DNM3: variants seen among roughly 807,000 people sequenced by gnomAD.
DNM3 encodes the protein dynamin 3.
In DNM3, 47 loss-of-function variants were observed where a neutral mutation model predicts 101.6. The observed-to-expected ratio is 0.46, with a 90% confidence interval of 0.37 to 0.59. The LOEUF (loss-of-function observed/expected upper bound fraction) is 0.59. Among genes scored for constraint, DNM3 ranks in the 20% least tolerant of loss-of-function variants. DNM3 has a pLI of 0.00. For missense variants in DNM3, 849 were observed against 1,085.7 expected (o/e 0.78, Z 3.06); for synonymous variants, 385 against 387.9 (o/e 0.99, Z 0.09).
In DNM3 at chr1:172,412,535, C is replaced by T. The variant is rs2071270102; in HGVS notation, c.*4694C>T. 1.0e-5 allele frequency: 10 copies of T among 985,306 alleles called. No individual in the cohort carries two copies. The highest frequency in any genetic ancestry group is 1.2e-4 in the Admixed American group (2 of 16,244). The allele number at this position is 985,306 out of a possible 1,614,324, so 61.0% of individuals were successfully genotyped here. ...TGCTGATTCTTTAATTAATATGAGC[C>T]GGATACTTTCCACTGTCTTCTTGGC... On this transcript the variant is annotated 3_prime_UTR_variant, in exon 21 of 21. Transcript: ENST00000627582.
chr1:172,084,959 A>G (rs1451893501), intron 12 of DNM3, among the ~76,000 whole-genome samples: 1 of 152,174 alleles, frequency 6.6e-6, no homozygotes, highest in Non-Finnish European at 1.5e-5. Context: ...TCAGAGTAGC[A>G]TTCAGGACAT....
intron 14 of DNM3, chr1:172,138,001 T>C (rs1471562177): frequency 6.6e-6 from 1 of 152,142 alleles, no homozygotes; most frequent in East Asian, 1.9e-4. Flanking sequence ...TGAAAGTTTA[T>C]AGTGATGGAA....
intron 14 of DNM3, among the ~76,000 whole-genome samples, chr1:172,155,698 G>A (rs2058311074): frequency 6.6e-6 from 1 of 152,070 alleles, no homozygotes; most frequent in Non-Finnish European, 1.5e-5. Flanking sequence ...CGCCTGTGAT[G>A]TTAGACTCTG....
chr1:172,079,135 TCTGTATTTC>T (rs1314948325), intron 11 of DNM3, among the ~76,000 whole-genome samples: 1 of 152,220 alleles, frequency 6.6e-6, no homozygotes, highest in Non-Finnish European at 1.5e-5. Flanking sequence ...TGTGGTGTTT[TCTGTATTTC>T]CTGAATTTGA....
Position 172,063,775 on chromosome 1 carries a change from CAAA to C in DNM3, c.1336-5026_1336-5024del, listed in dbSNP as rs11317272. 9.5e-3 allele frequency among the ~76,000 whole-genome samples: 830 copies of C among 87,724 alleles called. 8 individuals are homozygous for C. The highest frequency in any genetic ancestry group is 0.031 in the African/African-American group (768 of 24,634). 57.6% of individuals were successfully genotyped at this position (87,724 alleles called of 152,430 possible). A position where few individuals can be genotyped will look rare whatever the true frequency, so the allele number is the denominator to read the frequency against. On this transcript the variant is annotated intron_variant, in intron 10 of 20. Coordinates refer to ENST00000627582, the MANE Select transcript of DNM3 (RefSeq NM_015569.5). ...CCTGGGCAACAGAGCGAGACTTTGT[CAAA>C]AAAAAAAAAAAAAAAAAGAATATTC...
At chr1:172,331,466 A>C (rs2066180413) in intron 17 of DNM3, among the ~76,000 whole-genome samples, 1 of 152,202 alleles carries the variant, frequency 6.6e-6, no homozygotes, top group African/African-American at 2.4e-5. Context: ...CATGATGACA[A>C]TTGAAATACC....
intron 10 of DNM3, among the ~76,000 whole-genome samples, chr1:172,055,378 C>G (rs189688176): frequency 1.3e-5 from 2 of 152,190 alleles, no homozygotes; most frequent in Admixed American, 6.5e-5. Context: ...GAGTCTTTCT[C>G]CGACTTTTCT....
intron 2 of DNM3, among the ~76,000 whole-genome samples, chr1:171,930,103 G>A (rs1271524125): frequency 1.3e-5 from 2 of 152,014 alleles, no homozygotes; most frequent in Non-Finnish European, 2.9e-5. Context: ...GCTTAGAAAA[G>A]CAACCTGGCC....
rs150629302 is a variant in DNM3, at chr1:172,285,730, C to T, written c.1770-22998C>T. Reference sequence around the variant, plus strand: ...AATAATTTAGAAATAATTTGAAAGCCGAGTTTTGTGGGGAACCATTACATA... The same window carrying T: ...AATAATTTAGAAATAATTTGAAAGCTGAGTTTTGTGGGGAACCATTACATA... On this transcript the variant is annotated intron_variant, in intron 15 of 20. Transcript: ENST00000627582. Among the ~76,000 whole-genome samples, 63 of 152,110 alleles carry T rather than the reference C, an allele frequency of 4.1e-4. No homozygotes were observed. The East Asian group carries it at 9.1e-3, about 22-fold the overall frequency.
At chr1:171,916,598 A>C (rs2039729479) in intron 1 of DNM3, among the ~76,000 whole-genome samples, 1 of 152,142 alleles carries the variant, frequency 6.6e-6, no homozygotes, top group Non-Finnish European at 1.5e-5. Context: ...CTTGGACTTG[A>C]CATTTATTGT....
intron 17 of DNM3, among the ~76,000 whole-genome samples, chr1:172,371,270 A>T (rs2068308189): frequency 6.6e-6 from 1 of 152,006 alleles, no homozygotes; most frequent in South Asian, 2.1e-4. Flanking sequence ...TCATATTCAG[A>T]TAGGTAGCAA....
At chr1:172,223,402 T>A (rs2060986460) in intron 14 of DNM3, among the ~76,000 whole-genome samples, 1 of 151,748 alleles carries the variant, frequency 6.6e-6, no homozygotes, top group African/African-American at 2.4e-5. Flanking sequence ...ATAAAAAAAA[T>A]CCCATATATC....
chr1:172,173,974 C>T (rs1389278766), intron 14 of DNM3, among the ~76,000 whole-genome samples: 2 of 151,554 alleles, frequency 1.3e-5, no homozygotes, highest in African/African-American at 4.8e-5. Context: ...AAATCCATAA[C>T]TCTGGAATGC....
intron 14 of DNM3, among the ~76,000 whole-genome samples, chr1:172,160,147 C>CGAGT (rs939259732): frequency 6.6e-6 from 1 of 151,478 alleles, no homozygotes; most frequent in Non-Finnish European, 1.5e-5. Flanking sequence ...GGTGAGTTAG[C>CGAGT]GAGTGAGTGG....
intron 1 of DNM3, among the ~76,000 whole-genome samples, chr1:171,853,249 GATATCC>G (rs2033187830): frequency 6.6e-6 from 1 of 151,948 alleles, no homozygotes; most frequent in African/African-American, 2.4e-5. Flanking sequence ...CTGCAGCCTT[GATATCC>G]CTGGCTGATG....
chr1:172,226,492 A>C (rs1206242258), intron 14 of DNM3, among the ~76,000 whole-genome samples: 1 of 152,196 alleles, frequency 6.6e-6, no homozygotes, highest in Non-Finnish European at 1.5e-5. Flanking sequence ...TTTCATGCAC[A>C]GATGAAAGGA....
rs1454745272 is a variant in DNM3, at chr1:171,841,674, G to A, written c.18G>A (p.Met6Ile). The A allele has an allele frequency of 6.2e-7, 1 of 1,611,412 alleles. No individual in the cohort carries two copies. Among genetic ancestry groups the A allele is most frequent in the African/African-American group, 1.3e-5 (1 of 74,894 alleles). The change falls in exon 1 of 21, where the codon ATG (methionine) becomes ATA (isoleucine). Residue 6 changes from methionine (M) to isoleucine (I), a missense_variant. Around this residue, in one of 5 missense-constraint regions of DNM3, gnomAD observed 388 missense variants for 483.0 expected, o/e 0.80. Transcript: ENST00000627582. MGNRE[M>I]EELIPLVNRL... is the part of the protein sequence containing the mutation. ...CGGGCAAGATGGGGAACCGGGAGAT[G>A]GAGGAGCTGATCCCGCTGGTGAACC...
At chr1:172,260,389 C>G (rs1251204975) in intron 15 of DNM3, among the ~76,000 whole-genome samples, 1 of 151,870 alleles carries the variant, frequency 6.6e-6, no homozygotes, top group African/African-American at 2.4e-5. Context: ...AGTTTTTAAC[C>G]TATTATTTTA....
intron 14 of DNM3, among the ~76,000 whole-genome samples, chr1:172,169,020 G>A (rs1045377218): frequency 2.6e-5 from 4 of 151,856 alleles, no homozygotes; most frequent in Non-Finnish European, 4.4e-5. Flanking sequence ...AGTCAGGGAT[G>A]GTGAAAATAG....
Sources: allele counts gnomAD v4.1 joint callset (sites outside exome capture counted in the v4.1 genomes callset), GRCh38; gene constraint gnomAD v4.1.1; regional missense constraint gnomAD v4.1.1; transcripts MANE v1.5; gene names NCBI Gene and HGNC (gene_info 2026-07-23, HGNC 2026-07-21).